The following IL15RA variants were observed in gnomAD, a reference collection of about 807,000 sequenced individuals.
IL15RA encodes the protein interleukin 15 receptor subunit alpha.
Under a neutral mutation model 24.2 loss-of-function variants are expected in IL15RA, and 26 were observed. The observed-to-expected ratio is 1.07, with a 90% CI of 0.79 to 1.49. IL15RA has a LOEUF of 1.49. Ranked by LOEUF, IL15RA falls within the 40% of genes most tolerant of loss-of-function variation. The pLI, the probability that IL15RA is intolerant of heterozygous loss-of-function variation, is 0.00. For missense variants in IL15RA, 354 were observed against 356.4 expected, an observed-to-expected ratio of 0.99 and a Z score of 0.05; for synonymous variants, 166 against 157.6, an observed-to-expected ratio of 1.05 and a Z score of -0.40.
rs1278335670 is a variant in IL15RA at position 5,964,420 on chromosome 10, G to A, written c.284-579C>T. On this transcript the variant is annotated intron_variant, in intron 2 of 6. Transcript: ENST00000379977. The surrounding 1 kb of genome is among the most constrained non-coding windows in gnomAD (Gnocchi z 5.6). ...GGTCTCAAGAAATCCCTCCCATCTC[G>A]GCCTCCCAAAGTGCTGGGATTACAG... Among the ~76,000 whole-genome samples, 1 of 152,014 alleles carries A rather than the reference G, an allele frequency of 6.6e-6. No individual in the cohort carries two copies. Among genetic ancestry groups the A allele is most frequent in the East Asian group, 1.9e-4 (1 of 5,198 alleles).
chr10:5,974,316 T>C (rs748012261), intron 1 of IL15RA, among the ~76,000 whole-genome samples: 22 of 152,042 alleles, frequency 1.4e-4, no homozygotes, highest in Non-Finnish European at 3.2e-4. Context: ...ATTCAATTTT[T>C]AAGAGAGCAA....
rs1835205818 is a variant in IL15RA at position 5,959,874 on chromosome 10, C to G, written c.584-88G>C. 1 of 1,255,754 alleles carries G rather than the reference C, an allele frequency of 8.0e-7. No individual in the cohort carries two copies. The highest frequency in any genetic ancestry group is 1.5e-5 in the African/African-American group (1 of 68,014). 77.8% of individuals were successfully genotyped at this position (1,255,754 alleles called of 1,614,324 possible). A position where few individuals can be genotyped will look rare whatever the true frequency, so the allele number is the denominator to read the frequency against. On this transcript the variant is annotated intron_variant, in intron 4 of 6. Transcript: ENST00000379977. The surrounding 1 kb of genome is among the most constrained non-coding windows in gnomAD (Gnocchi z 4.1). Reference sequence around the variant, plus strand: ...AGGAGAAAATCTGCATGGCTTGGCTCCCATCTTAGCACCCTGGGAGACTCG... The same window carrying G: ...AGGAGAAAATCTGCATGGCTTGGCTGCCATCTTAGCACCCTGGGAGACTCG...
Position 5,952,930 on chromosome 10 carries a change from G to T in IL15RA, c.*165C>A. ...GAATGCGGAGAACCTGCTCCCTCGC[G>T]CAGGAGGCGCCGACCCGGCAGTCCG... On this transcript the variant is annotated 3_prime_UTR_variant, in exon 7 of 7. Coordinates refer to ENST00000379977, the MANE Select transcript of IL15RA (RefSeq NM_002189.4). 2 of 630,250 alleles carry T rather than the reference G, an allele frequency of 3.2e-6. No individual in the cohort carries two copies. The highest frequency in any genetic ancestry group is 5.7e-6 in the Non-Finnish European group (2 of 351,646). The allele number at this position is 630,250 out of a possible 1,614,324, so 39.0% of individuals were successfully genotyped here.
At chr10:5,977,992 C>G (rs4749858), upstream of IL15RA, 163,364 of 167,816 alleles carry the variant, frequency 0.97, 79,518 homozygotes, top group Admixed American at 0.98. Flanking sequence ...TCTCCCTCCG[C>G]GGCCCTGCGC....
chr10:5,960,295 G>T lies in IL15RA; in HGVS notation c.583+72C>A. ...GATTGATGGTATAAAGCTGCCTTGT[G>T]CCGGATCTCAGCCCCGATCTCAGAA... is the stretch of plus-strand genomic sequence containing the variant. On this transcript the variant is annotated intron_variant, in intron 4 of 6. Transcript: ENST00000379977. The surrounding 1 kb of genome is among the most constrained non-coding windows in gnomAD (Gnocchi z 5.1). The T allele has an allele frequency of 7.3e-7, 1 of 1,363,892 alleles. No homozygotes were observed. Among genetic ancestry groups the T allele is most frequent in the Non-Finnish European group, 1.0e-6 (1 of 955,618 alleles). The allele number at this position is 1,363,892 out of a possible 1,614,324, so 84.5% of individuals were successfully genotyped here.
At chr10:5,972,573 A>G (rs1273517331) in intron 1 of IL15RA, among the ~76,000 whole-genome samples, 1 of 152,212 alleles carries the variant, frequency 6.6e-6, no homozygotes, top group Non-Finnish European at 1.5e-5. Context: ...AATTTTATTT[A>G]TTTACTTTTC....
At chr10:5,977,665 C>A, upstream of IL15RA, 1 of 1,245,026 alleles carries the variant, frequency 8.0e-7, no homozygotes, top group South Asian at 3.5e-5. Flanking sequence ...ATCCGTGACT[C>A]AGCGTCCCCA....
chr10:5,963,926 T>A lies in IL15RA; in HGVS notation c.284-85A>T. The A allele has an allele frequency of 1.2e-6, 1 of 803,252 alleles. No individual in the cohort carries two copies. Among genetic ancestry groups the A allele is most frequent in the Non-Finnish European group, 1.9e-6 (1 of 513,626 alleles). 49.8% of individuals were successfully genotyped at this position (803,252 alleles called of 1,614,324 possible). A position where few individuals can be genotyped will look rare whatever the true frequency, so the allele number is the denominator to read the frequency against. On this transcript the variant is annotated intron_variant, in intron 2 of 6. Coordinates refer to ENST00000379977, the MANE Select transcript of IL15RA (RefSeq NM_002189.4). This position sits in a 1 kb window ranked among gnomAD's most constrained non-coding sequence, Gnocchi z 5.3. Reference sequence around the variant, plus strand: ...CAGAACGGGATACAAATAAAATATATCAACACATGAACTTACAGTGGAGGC... The same window carrying A: ...CAGAACGGGATACAAATAAAATATAACAACACATGAACTTACAGTGGAGGC...
At position 5,953,290 on chromosome 10, in the gene IL15RA, T is replaced by C; in HGVS notation, c.693-84A>G. ...AGACGCTTCCCACTGAGCATGTATGTCCAGCACTGCGGGGATGGCAGGAGC... is the reference window on the plus strand; with the variant it reads ...AGACGCTTCCCACTGAGCATGTATGCCCAGCACTGCGGGGATGGCAGGAGC... On this transcript the variant is annotated intron_variant, in intron 6 of 6. Coordinates refer to ENST00000379977, the MANE Select transcript of IL15RA (RefSeq NM_002189.4). This position sits in a 1 kb window ranked among gnomAD's most constrained non-coding sequence, Gnocchi z 5.3. 3 of 968,908 alleles carry C rather than the reference T, an allele frequency of 3.1e-6. No homozygotes were observed. The highest frequency in any genetic ancestry group is 5.0e-6 in the Non-Finnish European group (3 of 599,636). The allele number at this position is 968,908 out of a possible 1,614,324, so 60.0% of individuals were successfully genotyped here. A position where few individuals can be genotyped will look rare whatever the true frequency, so the allele number is the denominator to read the frequency against.
In IL15RA at chr10:5,970,923, G is replaced by C. The variant is rs1029792063; in HGVS notation, c.89-4584C>G. On this transcript the variant is annotated intron_variant, in intron 1 of 6. Coordinates refer to ENST00000379977, the MANE Select transcript of IL15RA (RefSeq NM_002189.4). This position sits in a 1 kb window ranked among gnomAD's most constrained non-coding sequence, Gnocchi z 4.1. ...CTAGAGGCACATGCCACCATACCTG[G>C]CTAATTTTTTTTTTCCTAGAGATGG... Among the ~76,000 whole-genome samples the C allele has an allele frequency of 6.6e-6, 1 of 151,318 alleles. No homozygotes were observed. The highest frequency in any genetic ancestry group is 2.4e-5 in the African/African-American group (1 of 41,256).
rs1379138305 is a variant in IL15RA, at chr10:5,965,938, C to G, written c.283+207G>C. 6.6e-6 allele frequency among the ~76,000 whole-genome samples: 1 copy of G among 152,114 alleles called. No homozygotes were observed. On this transcript the variant is annotated intron_variant, in intron 2 of 6. Coordinates refer to ENST00000379977, the MANE Select transcript of IL15RA (RefSeq NM_002189.4). The surrounding 1 kb of genome is among the most constrained non-coding windows in gnomAD (Gnocchi z 5.8). ...GTTTCACCATGTTGGCCGGGCTGATCTGGAACTCCTGACTTCAAGTGATCC... is the reference window on the plus strand; with the variant it reads ...GTTTCACCATGTTGGCCGGGCTGATGTGGAACTCCTGACTTCAAGTGATCC...
rs1010355535 is a variant in IL15RA, at chr10:5,965,412, G to C, written c.283+733C>G. Among the ~76,000 whole-genome samples the C allele has an allele frequency of 1.3e-5, 2 of 152,226 alleles. No homozygotes were observed. Among genetic ancestry groups the C allele is most frequent in the East Asian group, 1.9e-4 (1 of 5,192 alleles). On this transcript the variant is annotated intron_variant, in intron 2 of 6. Transcript: ENST00000379977. The surrounding 1 kb of genome is among the most constrained non-coding windows in gnomAD (Gnocchi z 5.8). Reference sequence around the variant, plus strand: ...GGAAATCCAAACATTTCTCACACTAGCGTGCTCATGAGTGCCCGCCCAGCT... The same window carrying C: ...GGAAATCCAAACATTTCTCACACTACCGTGCTCATGAGTGCCCGCCCAGCT...
rs1462477481 is a variant in IL15RA at position 5,960,786 on chromosome 10, A to G, written c.383-219T>C. 6.6e-6 allele frequency among the ~76,000 whole-genome samples: 1 copy of G among 152,198 alleles called. No individual in the cohort carries two copies. Among genetic ancestry groups the G allele is most frequent in the Admixed American group, 6.5e-5 (1 of 15,286 alleles). Reference sequence around the variant, plus strand: ...GAACATGGCTACTATCACGGCACGTATAAAGAAAAGATCAGCCAGACACAG... The same window carrying G: ...GAACATGGCTACTATCACGGCACGTGTAAAGAAAAGATCAGCCAGACACAG... On this transcript the variant is annotated intron_variant, in intron 3 of 6. Transcript: ENST00000379977. This position sits in a 1 kb window ranked among gnomAD's most constrained non-coding sequence, Gnocchi z 5.1.
intron 1 of IL15RA, among the ~76,000 whole-genome samples, chr10:5,974,172 G>A (rs1258321122): frequency 3.3e-5 from 5 of 152,150 alleles, no homozygotes; most frequent in Non-Finnish European, 7.4e-5. Flanking sequence ...GCTAATTTTT[G>A]TATTTTTAGT....
At position 5,967,390 on chromosome 10, in the gene IL15RA, A is replaced by G. The variant is rs1278777886; in HGVS notation, c.89-1051T>C. Reference sequence around the variant, plus strand: ...CAGCTAATTTTTGTATTTTTAGTAGAGACAGGGTTTCACCATTTTGGCCAG... The same window carrying G: ...CAGCTAATTTTTGTATTTTTAGTAGGGACAGGGTTTCACCATTTTGGCCAG... On this transcript the variant is annotated intron_variant, in intron 1 of 6. Transcript: ENST00000379977. The surrounding 1 kb of genome is among the most constrained non-coding windows in gnomAD (Gnocchi z 4.4). Among the ~76,000 whole-genome samples, 1 of 152,100 alleles carries G rather than the reference A, an allele frequency of 6.6e-6. No individual in the cohort carries two copies. The highest frequency in any genetic ancestry group is 1.5e-5 in the Non-Finnish European group (1 of 68,024).
In IL15RA at chr10:5,973,983, A is replaced by G. The variant is rs1158537490; in HGVS notation, c.88+3422T>C. On this transcript the variant is annotated intron_variant, in intron 1 of 6. Coordinates refer to ENST00000379977, the MANE Select transcript of IL15RA (RefSeq NM_002189.4). This position sits in a 1 kb window ranked among gnomAD's most constrained non-coding sequence, Gnocchi z 4.5. ...CAAAATTCAGTAATGATACAATTCA[A>G]TTTTTTATACATAAGACAGAGTCAG... Among the ~76,000 whole-genome samples the G allele has an allele frequency of 6.6e-6, 1 of 152,000 alleles. No individual in the cohort carries two copies. Among genetic ancestry groups the G allele is most frequent in the East Asian group, 1.9e-4 (1 of 5,176 alleles).
At position 5,959,813 on chromosome 10, in the gene IL15RA, G is replaced by T. The variant is rs764733517; in HGVS notation, c.584-27C>A. 2 of 1,612,530 alleles carry T rather than the reference G, an allele frequency of 1.2e-6. No individual in the cohort carries two copies. The highest frequency in any genetic ancestry group is 1.7e-5 in the Admixed American group (1 of 59,954). ...TGCGGAAAAGAGAGGACAGCATCAC[G>T]GCTCGAGTCCTAGAGGTCCTAGTTC... On this transcript the variant is annotated intron_variant, in intron 4 of 6. Coordinates refer to ENST00000379977, the MANE Select transcript of IL15RA (RefSeq NM_002189.4). This position sits in a 1 kb window ranked among gnomAD's most constrained non-coding sequence, Gnocchi z 4.1.
intron 5 of IL15RA, among the ~76,000 whole-genome samples, chr10:5,957,328 T>C (rs1234043562): frequency 6.6e-6 from 1 of 151,996 alleles, no homozygotes; most frequent in Non-Finnish European, 1.5e-5. Context: ...CAAACTGGAG[T>C]GCAGTGGCGT....
chr10:5,974,419 C>T (rs8177646), intron 1 of IL15RA, among the ~76,000 whole-genome samples: 4,142 of 152,238 alleles, frequency 0.027, 180 homozygotes, highest in African/African-American at 0.094. Context: ...ATTAAAACTA[C>T]AAGGGGAGAC....
Sources: allele counts gnomAD v4.1 joint callset (sites outside exome capture counted in the v4.1 genomes callset), GRCh38; gene constraint gnomAD v4.1.1; non-coding constraint Gnocchi (gnomAD v3.1); transcripts MANE v1.5; gene names NCBI Gene and HGNC (gene_info 2026-07-23, HGNC 2026-07-21).